The following ENOX1 variants were observed in gnomAD, a reference collection of about 807,000 sequenced individuals.
The protein encoded by ENOX1 is ecto-NOX disulfide-thiol exchanger 1.
ENOX1 carries 42 observed loss-of-function variants against 82.5 expected under a neutral mutation model. The observed-to-expected ratio is 0.51, with a 90% CI of 0.40 to 0.66. The LOEUF is 0.66. Among genes scored for constraint, ENOX1 ranks in the 30% least tolerant of loss-of-function variants. The pLI is 0.00. For synonymous variants in ENOX1, 271 were observed against 282.2 expected, an observed-to-expected ratio of 0.96 and a Z score of 0.40; for missense variants, 608 against 811.6, an observed-to-expected ratio of 0.75 and a Z score of 3.05.
chr13:43,338,727 C>T (rs930058070), intron 9 of ENOX1, among the ~76,000 whole-genome samples: 21 of 144,218 alleles, frequency 1.5e-4, no homozygotes, highest in Middle Eastern at 3.6e-3. Flanking sequence ...GCTCTGTCAC[C>T]CAGGCTGGAG....
intron 14 of ENOX1, among the ~76,000 whole-genome samples, chr13:43,257,705 T>A (rs185140427): frequency 2.6e-5 from 4 of 152,366 alleles, no homozygotes; most frequent in African/African-American, 9.6e-5. Flanking sequence ...CATATTTATA[T>A]GTATGTATAT....
At chr13:43,712,546 T>G (rs1436538410) in intron 1 of ENOX1, among the ~76,000 whole-genome samples, 1 of 150,280 alleles carries the variant, frequency 6.7e-6, no homozygotes. Flanking sequence ...TTCCTACCCA[T>G]GAGCATGGAA....
chr13:43,746,740 CA>C (rs1950041874), intron 1 of ENOX1, among the ~76,000 whole-genome samples: 1 of 151,740 alleles, frequency 6.6e-6, no homozygotes. Context: ...AATAAAACAG[CA>C]CAAAGAAAAA....
At chr13:43,603,613 C>T (rs1362978071) in intron 2 of ENOX1, among the ~76,000 whole-genome samples, 3 of 146,086 alleles carry the variant, frequency 2.1e-5, no homozygotes, top group Admixed American at 6.9e-5. Flanking sequence ...GTTCAATTCC[C>T]ACCTATGAGT....
chr13:43,223,119 G>C (rs919105931), intron 16 of ENOX1, among the ~76,000 whole-genome samples: 4 of 152,324 alleles, frequency 2.6e-5, no homozygotes, highest in South Asian at 2.1e-4. Flanking sequence ...GCTAGCCATT[G>C]AAAATTTAGC....
chr13:43,546,199 T>C (rs1185767978), intron 2 of ENOX1: 1 of 152,210 alleles, frequency 6.6e-6, no homozygotes, highest in East Asian at 1.9e-4. Flanking sequence ...ATAAGTGCTA[T>C]GAAGATGGTT....
intron 1 of ENOX1, among the ~76,000 whole-genome samples, chr13:43,744,287 T>A (rs1420094405): frequency 1.3e-5 from 2 of 152,188 alleles, no homozygotes; most frequent in African/African-American, 4.8e-5. Flanking sequence ...CAACCCACTT[T>A]AGGTTCTGAG....
chr13:43,781,540 T>G (rs967133024), intron 1 of ENOX1, among the ~76,000 whole-genome samples: 1 of 151,858 alleles, frequency 6.6e-6, no homozygotes, highest in Admixed American at 6.6e-5. Flanking sequence ...TTAGATGGAG[T>G]TTCGCCCTTG....
chr13:43,549,391 T>C (rs9316035), intron 2 of ENOX1, among the ~76,000 whole-genome samples: 29,179 of 152,048 alleles, frequency 0.19, 3,454 homozygotes, highest in Non-Finnish European at 0.28. Flanking sequence ...AATAGCAAAA[T>C]AACAACTGCT....
intron 9 of ENOX1, among the ~76,000 whole-genome samples, chr13:43,335,552 C>T (rs1188220405): frequency 6.6e-6 from 1 of 152,102 alleles, no homozygotes; most frequent in East Asian, 1.9e-4. Context: ...GACCTGGGCT[C>T]ATATCAAAGT....
chr13:43,680,510 A>G (rs1423914474), intron 1 of ENOX1, among the ~76,000 whole-genome samples: 1 of 152,154 alleles, frequency 6.6e-6, no homozygotes, highest in East Asian at 1.9e-4. Flanking sequence ...AAGATGCAGC[A>G]AGACTGAGTG....
At chr13:43,234,660 CTTGAT>C (rs2042437633) in intron 15 of ENOX1, among the ~76,000 whole-genome samples, 1 of 152,138 alleles carries the variant, frequency 6.6e-6, no homozygotes, top group South Asian at 2.1e-4. Flanking sequence ...TTCTAACACA[CTTGAT>C]TTAACTAATT....
intron 1 of ENOX1, among the ~76,000 whole-genome samples, chr13:43,779,619 C>G (rs1346056591): frequency 6.6e-6 from 1 of 152,200 alleles, no homozygotes; most frequent in Non-Finnish European, 1.5e-5. Context: ...TGGGTGGGAT[C>G]TGGAAATCAG....
At chr13:43,320,499 A>C (rs1234379183) in intron 11 of ENOX1, among the ~76,000 whole-genome samples, 1 of 152,200 alleles carries the variant, frequency 6.6e-6, no homozygotes, top group Non-Finnish European at 1.5e-5. Context: ...CTTCTGCAGC[A>C]GAGGCCGGGC....
intron 2 of ENOX1, among the ~76,000 whole-genome samples, chr13:43,484,850 G>A (rs1323139): frequency 0.34 from 51,548 of 152,068 alleles, 10,229 homozygotes; most frequent in East Asian, 0.81. Context: ...GCTTTAAGCA[G>A]TATATTTTTT....
intron 3 of ENOX1, among the ~76,000 whole-genome samples, 191 bp downstream of exon 3, chr13:43,483,809 TTCCACAGGG>T (rs2058596340): frequency 6.6e-6 from 1 of 152,206 alleles, no homozygotes; most frequent in Non-Finnish European, 1.5e-5. Context: ...CCTTGTTACA[TTCCACAGGG>T]TATACATAAA....
chr13:43,761,165 G>A (rs1950950020), intron 1 of ENOX1, among the ~76,000 whole-genome samples: 1 of 151,874 alleles, frequency 6.6e-6, no homozygotes, highest in Non-Finnish European at 1.5e-5. Context: ...AATGCTCCCG[G>A]AGCAGAGATG....
chr13:43,561,314 A>AT (rs1185078013), intron 2 of ENOX1, among the ~76,000 whole-genome samples: 1 of 152,154 alleles, frequency 6.6e-6, no homozygotes, highest in Non-Finnish European at 1.5e-5. Flanking sequence ...ACTTGTGCAG[A>AT]TAGAGAGGCA....
intron 1 of ENOX1, among the ~76,000 whole-genome samples, chr13:43,762,191 C>T (rs933218800): frequency 2.0e-5 from 3 of 152,146 alleles, no homozygotes; most frequent in South Asian, 2.1e-4. Context: ...TTACCCAGGT[C>T]GGTCTGGAGC....
Sources: allele counts gnomAD v4.1 joint callset (sites outside exome capture counted in the v4.1 genomes callset), GRCh38; gene constraint gnomAD v4.1.1; transcripts MANE v1.5; gene names NCBI Gene and HGNC (gene_info 2026-07-23, HGNC 2026-07-21).